Variants in PLXNA1 observed in about 807,000 individuals in gnomAD.
The protein encoded by PLXNA1 is plexin-A1.
Under a neutral mutation model 191.7 loss-of-function variants are expected in PLXNA1, and 77 were observed. That is an observed-to-expected ratio of 0.40 (90% CI 0.33 to 0.49). The LOEUF (loss-of-function observed/expected upper bound fraction) is 0.49. Ranked by LOEUF, PLXNA1 falls within the 20% of genes least tolerant of loss-of-function variation. The probability of loss-of-function intolerance (pLI) is 0.63; values close to 1 mark genes in which losing one functional copy is unlikely to be tolerated. For missense variants in PLXNA1, 2,110 were observed against 2,660.2 expected, an observed-to-expected ratio of 0.79 and a Z score of 4.55; for synonymous variants, 1,137 against 1,156.4, an observed-to-expected ratio of 0.98 and a Z score of 0.34.
rs374749572 is a variant in PLXNA1, at chr3:127,005,228, A to G, written c.1882A>G (p.Ile628Val). Residue 628 changes from isoleucine to valine, a missense_variant, in exon 7 of 32, where the codon ATC becomes GTC. Coordinates refer to ENST00000393409, the MANE Select transcript of PLXNA1 (RefSeq NM_032242.4). ...ACCCTCCGCCCGGGAGGTGGCGCCCATCACGCGGGGCCAGGGTGAGTGGCC... is the reference window on the plus strand; with the variant it reads ...ACCCTCCGCCCGGGAGGTGGCGCCCGTCACGCGGGGCCAGGGTGAGTGGCC... ...RSPSAREVAP[I>V]TRGQGDQRVV... is the part of the protein sequence containing the mutation. The G allele has an allele frequency of 8.7e-6, 14 of 1,608,424 alleles. No homozygotes were observed. Among genetic ancestry groups the G allele is most frequent in the Admixed American group, 3.4e-5 (2 of 59,442 alleles).
In PLXNA1 at chr3:127,028,061, G is replaced by A. The variant is rs1412036008; in HGVS notation, c.4484G>A (p.Arg1495Gln). ...RYSLSEDKLI[R>Q]QQIDYKTLTL... ...TCCCTGAGTGAGGACAAGCTCATCC[G>A]GCAGCAGATTGACTACAAGACACTG... The change falls in exon 24 of 32, where the codon CGG becomes CAG. Residue 1495 changes from arginine to glutamine, a missense_variant. Transcript: ENST00000393409. 2.5e-6 allele frequency: 4 copies of A among 1,614,046 alleles called. No homozygotes were observed. Among genetic ancestry groups the A allele is most frequent in the Non-Finnish European group, 2.5e-6 (3 of 1,180,004 alleles).
Position 127,018,300 on chromosome 3 carries a change from G to T in PLXNA1, c.3667G>T (p.Ala1223Ser). The T allele has an allele frequency of 1.2e-6, 2 of 1,601,162 alleles. No individual in the cohort carries two copies. The highest frequency in any genetic ancestry group is 1.7e-6 in the Non-Finnish European group (2 of 1,174,188). The change falls in exon 20 of 32, where the codon GCA becomes TCA. Residue 1223 changes from alanine to serine, a missense_variant. Physicochemically the swap from Ala to Ser is moderately conservative, Grantham distance 99. This residue lies in a region of PLXNA1 where 644 missense variants were observed against 714.3 expected (regional missense o/e 0.90). Transcript: ENST00000393409. ...GGCCTCCACCCACTGGCAGGTGCGG[G>T]CAGGTGGCTTCGAGTTCTCGCCAGG... ...LTGQHKVTVR[A>S]GGFEFSPGTL...
rs1348404075 is a variant in PLXNA1, at chr3:127,029,913, G to C, written c.4910G>C (p.Arg1637Pro). Residue 1637 changes from arginine to proline, a missense_variant, in exon 28 of 32, where the codon CGC (arginine) becomes CCC (proline). This residue lies in a region of PLXNA1 where 559 missense variants were observed against 911.5 expected (regional missense o/e 0.61). Transcript: ENST00000393409. ...LRTASSPDSL[R>P]SRTPMITPDL... ...ACGGCCAGCAGCCCCGACAGCCTGC[G>C]CTCGCGCACGCCCATGATCACGCCC... is the stretch of plus-strand genomic sequence containing the variant. 1 of 1,612,958 alleles carries C rather than the reference G, an allele frequency of 6.2e-7. No individual in the cohort carries two copies. Among genetic ancestry groups the C allele is most frequent in the Admixed American group, 1.7e-5 (1 of 59,994 alleles).
At chr3:127,011,828 G>A in intron 9 of PLXNA1, 130 bp from the exon 10 acceptor site, 1 of 854,480 alleles carries the variant, frequency 1.2e-6, no homozygotes, top group South Asian at 1.5e-5. Context: ...CAGTTTGCCA[G>A]TGCATAAAAT....
In PLXNA1 at chr3:127,007,841, C is replaced by T; in HGVS notation, c.2040C>T (p.Cys680=). 6.2e-7 allele frequency: 1 copy of T among 1,612,948 alleles called. No homozygotes were observed. The highest frequency in any genetic ancestry group is 8.5e-7 in the Non-Finnish European group (1 of 1,179,520). ...ACGGCTCCTTTCCCTGCCACTGGTG[C>T]AAATACCGCCACGTGTGCACACACA... ...CVNGSFPCHW[C]KYRHVCTHNV... The change falls in exon 9 of 32, where the codon TGC becomes TGT. Residue 680 remains cysteine, a synonymous_variant. Coordinates refer to ENST00000393409, the MANE Select transcript of PLXNA1 (RefSeq NM_032242.4).
intron 21 of PLXNA1, among the ~76,000 whole-genome samples, chr3:127,021,249 C>T (rs1409502415): frequency 1.3e-5 from 2 of 152,210 alleles, no homozygotes; most frequent in African/African-American, 2.4e-5. Context: ...ACACAGCCTC[C>T]CCAGGTTGTA....
At chr3:127,009,705 G>T (rs888935483) in intron 9 of PLXNA1, among the ~76,000 whole-genome samples, 21 of 152,146 alleles carry the variant, frequency 1.4e-4, no homozygotes, top group African/African-American at 4.3e-4. Flanking sequence ...CCCCCATGCT[G>T]GGAGGGGGTC....
rs987143493 is a variant in PLXNA1 at position 127,018,298 on chromosome 3, G to A, written c.3665G>A (p.Arg1222Gln). 26 of 1,599,582 alleles carry A rather than the reference G, an allele frequency of 1.6e-5. No homozygotes were observed. The highest frequency in any genetic ancestry group is 1.9e-4 in the Middle Eastern group (1 of 5,348). The change falls in exon 20 of 32, where the codon CGG becomes CAG. Residue 1222 changes from arginine to glutamine, a missense_variant. Transcript: ENST00000393409. Reference protein sequence around the residue: ...NLTGQHKVTVRAGGFEFSPGT... With the variant: ...NLTGQHKVTVQAGGFEFSPGT... ...GTGGCCTCCACCCACTGGCAGGTGC[G>A]GGCAGGTGGCTTCGAGTTCTCGCCA... is the stretch of plus-strand genomic sequence containing the variant.
chr3:127,014,504 G>C lies in PLXNA1; in HGVS notation c.2631G>C (p.Gln877His), dbSNP rs1421263720. 5.0e-6 allele frequency: 8 copies of C among 1,606,154 alleles called. No individual in the cohort carries two copies. Among genetic ancestry groups the C allele is most frequent in the Non-Finnish European group, 6.8e-6 (8 of 1,179,758 alleles). The change falls in exon 13 of 32, where the codon CAG (glutamine) becomes CAC (histidine). Residue 877 changes from glutamine to histidine, a missense_variant. By Grantham distance (24) the Gln-to-His change is conservative. Transcript: ENST00000393409. ...LKLSPETGPR[Q>H]GGTRLTITGE... ...TGTCCCCCGAGACGGGCCCGAGGCA[G>C]GGCGGCACGCGGCTCACTATCACAG... is the stretch of plus-strand genomic sequence containing the variant.
At position 126,991,540 on chromosome 3, in the gene PLXNA1, G is replaced by C; in HGVS notation, c.1351G>C (p.Gly451Arg). ...TCGGGGCCGCACTGTGGTATTCGCC[G>C]GCACGCGAAGTGGCCGCATCCGCAA... ...DYRGRTVVFA[G>R]TRSGRIRKIL... The change falls in exon 3 of 32, where the codon GGC (glycine) becomes CGC (arginine). Residue 451 changes from glycine (G) to arginine (R), a missense_variant. Gly to Arg is a moderately radical substitution (Grantham distance 125). This residue lies in a region of PLXNA1 where 903 missense variants were observed against 1,015.7 expected (regional missense o/e 0.89). Transcript: ENST00000393409. 2 of 1,590,542 alleles carry C rather than the reference G, an allele frequency of 1.3e-6. No homozygotes were observed. Among genetic ancestry groups the C allele is most frequent in the Non-Finnish European group, 1.7e-6 (2 of 1,164,482 alleles).
Position 127,005,172 on chromosome 3 carries a change from T to C in PLXNA1, c.1826T>C (p.Val609Ala), listed in dbSNP as rs771092009. ...GAGGACTTCACGGAATCTGAGAGCG[T>C]CCTGGAGGATGGCCGGATCCACTGC... Reference protein sequence around the residue: ...SFEDFTESESVLEDGRIHCRS... With the variant: ...SFEDFTESESALEDGRIHCRS... Residue 609 changes from valine to alanine, a missense_variant, in exon 7 of 32, where the codon GTC (valine) becomes GCC (alanine). Val to Ala is a moderately conservative substitution (Grantham distance 64, BLOSUM62 0). Coordinates refer to ENST00000393409, the MANE Select transcript of PLXNA1 (RefSeq NM_032242.4). 1 of 1,612,552 alleles carries C rather than the reference T, an allele frequency of 6.2e-7. No individual in the cohort carries two copies. Among genetic ancestry groups the C allele is most frequent in the South Asian group, 1.1e-5 (1 of 91,018 alleles).
rs752255854 is a variant in PLXNA1, at chr3:127,012,137, C to G, written c.2292C>G (p.Ser764Arg). 6.2e-7 allele frequency: 1 copy of G among 1,612,338 alleles called. No homozygotes were observed. Among genetic ancestry groups the G allele is most frequent in the Non-Finnish European group, 8.5e-7 (1 of 1,179,822 alleles). ...RVTALRFNSSSLQCQNSSYSY... is the reference protein window; with the variant it reads ...RVTALRFNSSRLQCQNSSYSY... ...CCGCCCTGCGCTTCAACAGCTCCAGCCTGCAGTGCCAGAATTCCTCGGTGA... is the reference window on the plus strand; with the variant it reads ...CCGCCCTGCGCTTCAACAGCTCCAGGCTGCAGTGCCAGAATTCCTCGGTGA... The change falls in exon 10 of 32, where the codon AGC becomes AGG. Residue 764 changes from serine to arginine, a missense_variant. Ser to Arg is a moderately radical substitution (Grantham distance 110). Transcript: ENST00000393409.
intron 31 of PLXNA1, 123 bp downstream of exon 31, chr3:127,032,959 C>T (rs1450566038): frequency 2.3e-5 from 24 of 1,036,580 alleles, no homozygotes; most frequent in Non-Finnish European, 2.5e-5. Flanking sequence ...ACCACCTTCA[C>T]TCCTCTGCAC....
At position 127,014,850 on chromosome 3, in the gene PLXNA1, C is replaced by CT. The variant is rs1323421820; in HGVS notation, c.2877+20dup. The CT allele has an allele frequency of 6.2e-7, 1 of 1,608,588 alleles. No homozygotes were observed. Among genetic ancestry groups the CT allele is most frequent in the African/African-American group, 1.3e-5 (1 of 74,870 alleles). The stretch of plus-strand genomic sequence containing the variant: ...CTTCGTGGTGAGTCTGCTGCCCTCC[C>CT]TCTCTCCCTATTCTCTGCTGCTCTG... On this transcript the variant is annotated intron_variant, in intron 14 of 31. Transcript: ENST00000393409.
At position 127,032,561 on chromosome 3, in the gene PLXNA1, C is replaced by T. The variant is rs375428929; in HGVS notation, c.5406C>T (p.Tyr1802=). ...ACTCACCCTCCAACAAGCTGCTCTACGCCAAGGACATCCCCAACTACAAGA... is the reference window on the plus strand; with the variant it reads ...ACTCACCCTCCAACAAGCTGCTCTATGCCAAGGACATCCCCAACTACAAGA... ...GKDSPSNKLL[Y]AKDIPNYKSW... Residue 1802 remains tyrosine, a synonymous_variant, in exon 30 of 32, where the codon TAC becomes TAT. Coordinates refer to ENST00000393409, the MANE Select transcript of PLXNA1 (RefSeq NM_032242.4). 3.2e-5 allele frequency: 52 copies of T among 1,614,012 alleles called. No individual in the cohort carries two copies. Among genetic ancestry groups the T allele is most frequent in the African/African-American group, 2.4e-4 (18 of 75,042 alleles).
At chr3:127,021,392 G>A (rs2079151599) in intron 21 of PLXNA1, among the ~76,000 whole-genome samples, 1 of 152,194 alleles carries the variant, frequency 6.6e-6, no homozygotes, top group Non-Finnish European at 1.5e-5. Context: ...GGTATCACTG[G>A]TGGCCTCTGG....
chr3:127,000,643 A>G (rs1009793357), intron 3 of PLXNA1, among the ~76,000 whole-genome samples: 18 of 152,140 alleles, frequency 1.2e-4, no homozygotes, highest in Admixed American at 2.6e-4. Flanking sequence ...TGTGAGTCTC[A>G]GCTTACCTCC....
chr3:127,021,402 G>A (rs1249523964), intron 21 of PLXNA1, among the ~76,000 whole-genome samples: 1 of 152,134 alleles, frequency 6.6e-6, no homozygotes, highest in African/African-American at 2.4e-5. Flanking sequence ...GTGGCCTCTG[G>A]GCTCTGCCTA....
chr3:127,029,801 A>T, intron 27 of PLXNA1, 73 bp from the exon 28 acceptor site: 1 of 1,459,104 alleles, frequency 6.9e-7, no homozygotes, highest in South Asian at 1.4e-5. Context: ...CCCAGCTTTC[A>T]GATGGGGAAA....
Sources: allele counts gnomAD v4.1 joint callset (sites outside exome capture counted in the v4.1 genomes callset), GRCh38; gene constraint gnomAD v4.1.1; regional missense constraint gnomAD v4.1.1; transcripts MANE v1.5; gene names NCBI Gene and HGNC (gene_info 2026-07-23, HGNC 2026-07-21).